Variants in TNS3 observed in about 807,000 individuals in gnomAD.
TNS3 encodes the protein tensin-3.
TNS3 carries 45 observed loss-of-function variants against 140.9 expected under a neutral mutation model. The observed-to-expected ratio is 0.32, with a 90% CI of 0.25 to 0.41. The LOEUF is 0.41. Among genes scored for constraint, TNS3 ranks in the 10% least tolerant of loss-of-function variants. The pLI is 1.00. For synonymous variants in TNS3, 815 were observed against 788.4 expected (o/e 1.03, Z -0.56); for missense variants, 1,716 against 1,906.7 (o/e 0.90, Z 1.86).
At chr7:47,471,182 G>A (rs1198921962) in intron 4 of TNS3, among the ~76,000 whole-genome samples, 2 of 152,160 alleles carry the variant, frequency 1.3e-5, no homozygotes, top group African/African-American at 4.8e-5. Flanking sequence ...GTGGATCAAA[G>A]TTCAGCCTGT....
intron 28 of TNS3, among the ~76,000 whole-genome samples, chr7:47,283,166 T>C: frequency 6.6e-6 from 1 of 152,234 alleles, no homozygotes; most frequent in East Asian, 1.9e-4. Flanking sequence ...GCTGCTCTGT[T>C]CCATGCTTAT....
At chr7:47,451,815 T>C (rs745958207) in intron 4 of TNS3, among the ~76,000 whole-genome samples, 1 of 152,208 alleles carries the variant, frequency 6.6e-6, no homozygotes, top group Non-Finnish European at 1.5e-5. Context: ...CTGAACAACA[T>C]TCAGCTGGCA....
chr7:47,529,946 G>A (rs79378845), intron 1 of TNS3, among the ~76,000 whole-genome samples: 30,852 of 152,186 alleles, frequency 0.2, 3,349 homozygotes, highest in East Asian at 0.34. Flanking sequence ...TTGAAAAGAT[G>A]AAATGGTATT....
intron 4 of TNS3, among the ~76,000 whole-genome samples, chr7:47,448,398 G>T (rs1011385627): frequency 6.6e-6 from 1 of 152,180 alleles, no homozygotes; most frequent in Non-Finnish European, 1.5e-5. Flanking sequence ...CTGAGGATCT[G>T]GGAGCCCCCA....
At chr7:47,553,806 G>A (rs78724320) in intron 1 of TNS3, among the ~76,000 whole-genome samples, 2 of 146,160 alleles carry the variant, frequency 1.4e-5, no homozygotes, top group African/African-American at 5.1e-5. Context: ...TTTTTTTTTT[G>A]AGATGAAGTC....
At chr7:47,297,781 A>T (rs1786128835) in intron 23 of TNS3, among the ~76,000 whole-genome samples, 2 of 151,222 alleles carry the variant, frequency 1.3e-5, no homozygotes, top group Admixed American at 6.6e-5. Context: ...ATAAAAGGAA[A>T]GAAGTTTTTT....
At chr7:47,503,032 C>T (rs1798284136) in intron 3 of TNS3, among the ~76,000 whole-genome samples, 1 of 152,150 alleles carries the variant, frequency 6.6e-6, no homozygotes, top group African/African-American at 2.4e-5. Flanking sequence ...AAAGGGGGAG[C>T]TGCGCATCGG....
chr7:47,414,188 A>G (rs1273380738), intron 11 of TNS3, among the ~76,000 whole-genome samples, 191 bp from the exon 12 acceptor site: 1 of 152,184 alleles, frequency 6.6e-6, no homozygotes, highest in African/African-American at 2.4e-5. Flanking sequence ...AGAAGCCTGC[A>G]GAGCAACACA....
intron 17 of TNS3, among the ~76,000 whole-genome samples, chr7:47,365,172 C>T (rs377740192): frequency 2.0e-5 from 3 of 152,206 alleles, no homozygotes; most frequent in Middle Eastern, 3.4e-3. Context: ...TTGGGCTGGG[C>T]GCGGTGGCTC....
intron 1 of TNS3, among the ~76,000 whole-genome samples, chr7:47,559,630 G>A (rs1584857228): frequency 2.0e-5 from 3 of 152,066 alleles, no homozygotes; most frequent in South Asian, 2.1e-4. Context: ...CCAATCTTAC[G>A]AGAGGCCAGC....
Position 47,444,527 on chromosome 7 carries a change from G to A in TNS3, c.-75-2472C>T, listed in dbSNP as rs146895974. On this transcript the variant is annotated intron_variant, in intron 4 of 30. Coordinates refer to ENST00000311160, the MANE Select transcript of TNS3 (RefSeq NM_022748.12). ...GCTCACTGCCGGCACCAACGTGATG[G>A]GGTAGGAGTGTCACCGTCCCTCAGG... Among the ~76,000 whole-genome samples the A allele has an allele frequency of 6.7e-3, 1,014 of 152,324 alleles. 13 individuals carry two copies. The highest frequency in any genetic ancestry group is 0.023 in the African/African-American group (956 of 41,554).
intron 1 of TNS3, among the ~76,000 whole-genome samples, chr7:47,551,706 C>T (rs983806198): frequency 8.5e-5 from 13 of 152,198 alleles, no homozygotes; most frequent in African/African-American, 2.9e-4. Flanking sequence ...AGAGAAACAA[C>T]ACCCCACACA....
At chr7:47,457,744 C>T (rs183518241) in intron 4 of TNS3, among the ~76,000 whole-genome samples, 5 of 152,338 alleles carry the variant, frequency 3.3e-5, no homozygotes, top group South Asian at 2.1e-4. Flanking sequence ...AGAGGCAGAG[C>T]GTATTACAGT....
At chr7:47,532,227 G>A (rs1395367486) in intron 1 of TNS3, among the ~76,000 whole-genome samples, 1 of 152,158 alleles carries the variant, frequency 6.6e-6, no homozygotes, top group East Asian at 1.9e-4. Context: ...AAGGGGGTGG[G>A]TCCTCAGTAA....
At position 47,283,865 on chromosome 7, in the gene TNS3, G is replaced by A; in HGVS notation, c.3929C>T (p.Ala1310Val). 6.3e-7 allele frequency: 1 copy of A among 1,583,342 alleles called. No individual in the cohort carries two copies. Among genetic ancestry groups the A allele is most frequent in the Non-Finnish European group, 8.6e-7 (1 of 1,167,200 alleles). ...AGAGTTCAAGTACCACACATTGCAG[G>A]CTGGAAGACACCAAGGGAGACACAT... ...SAAELLKQGA[A>V]CNVWYLNSVE... The change falls in exon 28 of 31, where the codon GCC becomes GTC. Residue 1310 changes from alanine (A) to valine (V), a missense_variant and splice_region_variant. Around this residue, in one of 3 missense-constraint regions of TNS3, gnomAD observed 216 missense variants for 295.7 expected, o/e 0.73. Transcript: ENST00000311160.
intron 1 of TNS3, among the ~76,000 whole-genome samples, chr7:47,575,822 C>CAAAAAAAAAAAAAAAAAAAAA (rs10553927): frequency 1.5e-5 from 1 of 68,320 alleles, no homozygotes; most frequent in Non-Finnish European, 2.6e-5. Flanking sequence ...GACTCTGCCT[C>CAAAAAAAAAAAAAAAAAAAAA]AAAAAAAAAA....
chr7:47,529,683 T>C (rs1029572025), intron 1 of TNS3, among the ~76,000 whole-genome samples: 1 of 152,244 alleles, frequency 6.6e-6, no homozygotes, highest in African/African-American at 2.4e-5. Context: ...CAGCCTGTGA[T>C]ACACATGTGG....
At chr7:47,339,430 C>A (rs1788819037) in intron 20 of TNS3, among the ~76,000 whole-genome samples, 1 of 152,154 alleles carries the variant, frequency 6.6e-6, no homozygotes, top group Non-Finnish European at 1.5e-5. Flanking sequence ...GGTGCCCCCG[C>A]ATCATTTGTT....
intron 2 of TNS3, among the ~76,000 whole-genome samples, chr7:47,510,286 C>A (rs1316432602): frequency 6.6e-6 from 1 of 152,186 alleles, no homozygotes; most frequent in Non-Finnish European, 1.5e-5. Flanking sequence ...AGAAGAAGAA[C>A]TTCGCACCAA....
Sources: allele counts gnomAD v4.1 joint callset (sites outside exome capture counted in the v4.1 genomes callset), GRCh38; gene constraint gnomAD v4.1.1; regional missense constraint gnomAD v4.1.1; transcripts MANE v1.5; gene names NCBI Gene and HGNC (gene_info 2026-07-23, HGNC 2026-07-21).